Variants in CST6 observed in about 807,000 individuals in gnomAD.
CST6 encodes the protein cystatin E/M, also known as cystatin-M.
In CST6, 8 loss-of-function variants were observed where a neutral mutation model predicts 10.7. That is an observed-to-expected ratio of 0.75 (90% confidence interval 0.44 to 1.34). The LOEUF is 1.34. Among genes scored for constraint, CST6 ranks in the 40% most tolerant of loss-of-function variants. The pLI is 0.01. For missense variants in CST6, 206 were observed against 205.1 expected, an observed-to-expected ratio of 1.00 and a Z score of -0.03; for synonymous variants, 100 against 89.3, an observed-to-expected ratio of 1.12 and a Z score of -0.68.
rs1478354245 is a variant in CST6 at position 66,012,097 on chromosome 11, G to T, written c.53G>T (p.Cys18Phe). Residue 18 changes from cysteine (C) to phenylalanine (F), a missense_variant, in exon 1 of 3, where the codon TGC becomes TTC. Physicochemically the swap from Cys to Phe is radical, Grantham distance 205 (BLOSUM62 -2). Transcript: ENST00000312134. ...LALGLALVAF[C>F]LLALPRDARA... ...CTGGGCCTGGCCCTGGTCGCATTCT[G>T]CCTCCTGGCGCTGCCACGCGACGCC... The T allele has an allele frequency of 6.4e-7, 1 of 1,563,462 alleles. No individual in the cohort carries two copies. The highest frequency in any genetic ancestry group is 8.6e-7 in the Non-Finnish European group (1 of 1,162,816).
chr11:66,012,260 G>A lies in CST6; in HGVS notation c.216G>A (p.Thr72=). 2 of 1,604,794 alleles carry A rather than the reference G, an allele frequency of 1.2e-6. No individual in the cohort carries two copies. The highest frequency in any genetic ancestry group is 1.7e-5 in the Admixed American group (1 of 59,590). The part of the protein sequence containing the change: ...GSNSIYYFRD[T]HIIKAQSQLV... The stretch of plus-strand genomic sequence containing the variant: ...ACAGCATCTACTACTTCCGAGACAC[G>A]CACATCATCAAGGCGCAGAGCCAGG... The change falls in exon 1 of 3, where the codon ACG becomes ACA. Residue 72 remains threonine (T), a synonymous_variant. Transcript: ENST00000312134.
chr11:66,013,423 A>T lies in CST6; in HGVS notation c.*23A>T, dbSNP rs932553391. On this transcript the variant is annotated 3_prime_UTR_variant, in exon 3 of 3. Coordinates refer to ENST00000312134, the MANE Select transcript of CST6 (RefSeq NM_001323.4). The stretch of plus-strand genomic sequence containing the variant: ...TGATAAGTCCCCGAGGGCGAAGGCC[A>T]TTGGGTTTGGGGCCATGGTGGAGGG... The T allele has an allele frequency of 6.2e-7, 1 of 1,602,868 alleles. No homozygotes were observed. The highest frequency in any genetic ancestry group is 8.5e-7 in the Non-Finnish European group (1 of 1,169,814).
chr11:66,012,205 C>A lies in CST6; in HGVS notation c.161C>A (p.Ala54Glu). The A allele has an allele frequency of 6.3e-7, 1 of 1,588,866 alleles. No individual in the cohort carries two copies. The highest frequency in any genetic ancestry group is 8.6e-7 in the Non-Finnish European group (1 of 1,169,276). Reference sequence around the variant, plus strand: ...CCGCAGGTGCAGAAGGCGGCGCAGGCGGCCGTGGCCAGCTACAACATGGGC... The same window carrying A: ...CCGCAGGTGCAGAAGGCGGCGCAGGAGGCCGTGGCCAGCTACAACATGGGC... ...DDPQVQKAAQAAVASYNMGSN... is the reference protein window; with the variant it reads ...DDPQVQKAAQEAVASYNMGSN... The change falls in exon 1 of 3, where the codon GCG (alanine) becomes GAG (glutamate). Residue 54 changes from alanine to glutamate, a missense_variant. Coordinates refer to ENST00000312134, the MANE Select transcript of CST6 (RefSeq NM_001323.4).
rs111737046 is a variant in CST6, at chr11:66,012,209, C to G, written c.165C>G (p.Ala55=). 2 of 1,592,674 alleles carry G rather than the reference C, an allele frequency of 1.3e-6. No individual in the cohort carries two copies. Among genetic ancestry groups the G allele is most frequent in the Non-Finnish European group, 1.7e-6 (2 of 1,171,132 alleles). Residue 55 remains alanine (A), a synonymous_variant, in exon 1 of 3, where the codon GCC becomes GCG. Transcript: ENST00000312134. The part of the protein sequence containing the change: ...DPQVQKAAQA[A]VASYNMGSNS... Reference sequence around the variant, plus strand: ...AGGTGCAGAAGGCGGCGCAGGCGGCCGTGGCCAGCTACAACATGGGCAGCA... The same window carrying G: ...AGGTGCAGAAGGCGGCGCAGGCGGCGGTGGCCAGCTACAACATGGGCAGCA...
intron 1 of CST6, among the ~76,000 whole-genome samples, chr11:66,012,511 G>A (rs1204940187): frequency 1.3e-5 from 2 of 152,194 alleles, no homozygotes; most frequent in African/African-American, 4.8e-5. Context: ...GGCTTGCCTG[G>A]TCCTAGTCTC....
intron 2 of CST6, 30 bp from the exon 3 acceptor site, chr11:66,013,287 C>T (rs1856189647): frequency 1.2e-6 from 2 of 1,601,522 alleles, no homozygotes; most frequent in South Asian, 2.2e-5. Context: ...CTGGGCTCAC[C>T]CCTCCTTCTC....
chr11:66,012,689 C>CT (rs1856182458), intron 1 of CST6, 137 bp from the exon 2 acceptor site: 2 of 170,472 alleles, frequency 1.2e-5, no homozygotes, highest in Non-Finnish European at 2.5e-5. Flanking sequence ...CCCCCACCCC[C>CT]CCCCACCCCG....
In CST6 at chr11:66,013,339, T is replaced by A; in HGVS notation, c.389T>A (p.Val130Asp). ...CAGAAGCTGCGCTGTGACTTTGAGG[T>A]CCTTGTGGTTCCCTGGCAGAACTCC... Reference protein sequence around the residue: ...QQEKLRCDFEVLVVPWQNSSQ... With the variant: ...QQEKLRCDFEDLVVPWQNSSQ... The change falls in exon 3 of 3, where the codon GTC (valine) becomes GAC (aspartate). Residue 130 changes from valine (V) to aspartate (D), a missense_variant. Physicochemically the swap from Val to Asp is radical, Grantham distance 152. Coordinates refer to ENST00000312134, the MANE Select transcript of CST6 (RefSeq NM_001323.4). The A allele has an allele frequency of 6.2e-7, 1 of 1,614,122 alleles. No individual in the cohort carries two copies. The highest frequency in any genetic ancestry group is 8.5e-7 in the Non-Finnish European group (1 of 1,179,994).
At chr11:66,012,665 C>T (rs868531756) in intron 1 of CST6, among the ~76,000 whole-genome samples, 161 bp from the exon 2 acceptor site, 929 of 12,334 alleles carry the variant, frequency 0.075, 25 homozygotes, top group African/African-American at 0.16. Flanking sequence ...CACCAGAACT[C>T]CCCCCCCCAC....
chr11:66,012,799 T>C (rs1856183763), intron 1 of CST6, 27 bp from the exon 2 acceptor site: 1 of 1,576,164 alleles, frequency 6.3e-7, no homozygotes, highest in Non-Finnish European at 8.7e-7. Flanking sequence ...TCAAGACCCC[T>C]GACCTGCCCC....
rs1324913391 is a variant in CST6 at position 66,013,421 on chromosome 11, C to T, written c.*21C>T. 6.2e-7 allele frequency: 1 copy of T among 1,608,976 alleles called. No individual in the cohort carries two copies. Among genetic ancestry groups the T allele is most frequent in the Admixed American group, 1.7e-5 (1 of 60,016 alleles). ...TGTGATAAGTCCCCGAGGGCGAAGG[C>T]CATTGGGTTTGGGGCCATGGTGGAG... On this transcript the variant is annotated 3_prime_UTR_variant, in exon 3 of 3. Transcript: ENST00000312134.
chr11:66,013,505 A>G lies in CST6; in HGVS notation c.*105A>G, dbSNP rs1856192737. The stretch of plus-strand genomic sequence containing the variant: ...ATAAATGGCCAGTGCTGCTTCTTGC[A>G]TTGGTTTCTTCCAAGTGCTTCGCTT... On this transcript the variant is annotated 3_prime_UTR_variant, in exon 3 of 3. Coordinates refer to ENST00000312134, the MANE Select transcript of CST6 (RefSeq NM_001323.4). 2 of 965,598 alleles carry G rather than the reference A, an allele frequency of 2.1e-6. No individual in the cohort carries two copies. Among genetic ancestry groups the G allele is most frequent in the African/African-American group, 1.6e-5 (1 of 62,416 alleles). 59.8% of individuals were successfully genotyped at this position (965,598 alleles called of 1,614,324 possible).
rs1436388076 is a variant in CST6 at position 66,012,180 on chromosome 11, C to T, written c.136C>T (p.Pro46Ser). The change falls in exon 1 of 3, where the codon CCG becomes TCG. Residue 46 changes from proline to serine, a missense_variant. Physicochemically the swap from Pro to Ser is moderately conservative, Grantham distance 74 (BLOSUM62 -1). Coordinates refer to ENST00000312134, the MANE Select transcript of CST6 (RefSeq NM_001323.4). ...GELRDLSPDD[P>S]QVQKAAQAAV... The stretch of plus-strand genomic sequence containing the variant: ...ACTCCGGGACCTGTCGCCCGACGAC[C>T]CGCAGGTGCAGAAGGCGGCGCAGGC... The T allele has an allele frequency of 3.8e-6, 6 of 1,573,556 alleles. No homozygotes were observed. The highest frequency in any genetic ancestry group is 5.2e-6 in the Non-Finnish European group (6 of 1,161,760).
In CST6 at chr11:66,012,892, G is replaced by A. The variant is rs1480015578; in HGVS notation, c.307G>A (p.Val103Ile). 1 of 1,613,808 alleles carries A rather than the reference G, an allele frequency of 6.2e-7. No homozygotes were observed. Among genetic ancestry groups the A allele is most frequent in the Non-Finnish European group, 8.5e-7 (1 of 1,179,928 alleles). ...GAGCACAGACTGCCGCAAGACCAGG[G>A]TCACTGGAGACCACGTCGACCTCAC... The part of the protein sequence containing the change: ...MGSTDCRKTR[V>I]TGDHVDLTTC... The change falls in exon 2 of 3, where the codon GTC becomes ATC. Residue 103 changes from valine to isoleucine, a missense_variant. Transcript: ENST00000312134.
At chr11:66,012,668 CCCCCCA>C (rs1292437869) in intron 1 of CST6, among the ~76,000 whole-genome samples, 152 bp from the exon 2 acceptor site, 21 of 13,972 alleles carry the variant, frequency 1.5e-3, no homozygotes, top group African/African-American at 4.5e-3. Context: ...CAGAACTCCC[CCCCCCA>C]CCCCCCCCCA....
intron 1 of CST6, 56 bp from the exon 2 acceptor site, chr11:66,012,770 G>C: frequency 6.5e-7 from 1 of 1,528,920 alleles, no homozygotes; most frequent in East Asian, 2.4e-5. Context: ...ATCAAGAGGT[G>C]AGAAGTGAGG....
intron 2 of CST6, 49 bp from the exon 3 acceptor site, chr11:66,013,268 A>T: frequency 6.5e-7 from 1 of 1,527,434 alleles, no homozygotes; most frequent in Non-Finnish European, 9.1e-7. Context: ...GGGAGGAGAC[A>T]GGTCGAGGCT....
intron 1 of CST6, 151 bp from the exon 2 acceptor site, chr11:66,012,674 AC>A (rs1420287294): frequency 0.24 from 9,704 of 41,268 alleles, 709 homozygotes; most frequent in African/African-American, 0.35. Context: ...TCCCCCCCCC[AC>A]CCCCCCCCAC....
At position 66,012,888 on chromosome 11, in the gene CST6, C is replaced by G; in HGVS notation, c.303C>G (p.Thr101=). ...MEMGSTDCRK[T]RVTGDHVDLT... ...TGGGGAGCACAGACTGCCGCAAGAC[C>G]AGGGTCACTGGAGACCACGTCGACC... Residue 101 remains threonine, a synonymous_variant, in exon 2 of 3, where the codon ACC becomes ACG. Coordinates refer to ENST00000312134, the MANE Select transcript of CST6 (RefSeq NM_001323.4). 1 of 1,613,626 alleles carries G rather than the reference C, an allele frequency of 6.2e-7. No individual in the cohort carries two copies. Among genetic ancestry groups the G allele is most frequent in the South Asian group, 1.1e-5 (1 of 91,070 alleles).
Sources: allele counts gnomAD v4.1 joint callset (sites outside exome capture counted in the v4.1 genomes callset), GRCh38; gene constraint gnomAD v4.1.1; transcripts MANE v1.5; gene names NCBI Gene and HGNC (gene_info 2026-07-23, HGNC 2026-07-21).